Variants in LRRTM4 observed in about 807,000 individuals in gnomAD.
LRRTM4 encodes leucine rich repeat transmembrane neuronal 4.
LRRTM4 carries 25 observed loss-of-function variants against 47.6 expected under a neutral mutation model. The observed-to-expected ratio is 0.53, with a 90% CI of 0.38 to 0.73. The LOEUF is 0.73. Ranked by LOEUF, LRRTM4 falls within the 30% of genes least tolerant of loss-of-function variation. LRRTM4 has a pLI of 0.00. For synonymous variants in LRRTM4, 311 were observed against 269.5 expected, an observed-to-expected ratio of 1.15 and a Z score of -1.51; for missense variants, 638 against 713.4, an observed-to-expected ratio of 0.89 and a Z score of 1.20.
intron 3 of LRRTM4, among the ~76,000 whole-genome samples, chr2:77,269,933 A>G (rs932661967): frequency 1.6e-4 from 25 of 152,236 alleles, no homozygotes; most frequent in African/African-American, 6.0e-4. Context: ...TAACTAAGTA[A>G]CATAGGCACT....
chr2:77,145,252 G>A (rs1311024011), intron 3 of LRRTM4, among the ~76,000 whole-genome samples: 2 of 140,364 alleles, frequency 1.4e-5, no homozygotes, highest in African/African-American at 2.5e-5. Flanking sequence ...ATATCTATAT[G>A]TGTATATATA....
At chr2:76,800,135 G>T (rs867255395) in intron 3 of LRRTM4, among the ~76,000 whole-genome samples, 6 of 147,444 alleles carry the variant, frequency 4.1e-5, no homozygotes, top group East Asian at 2.0e-4. Context: ...AAAAGAGCCC[G>T]CATCGCCAAG....
At chr2:76,920,233 TC>T (rs1674389732) in intron 3 of LRRTM4, among the ~76,000 whole-genome samples, 10 of 152,118 alleles carry the variant, frequency 6.6e-5, no homozygotes, top group Admixed American at 4.6e-4. Flanking sequence ...ATTTTGCTTT[TC>T]TTTTCCTATA....
intron 3 of LRRTM4, among the ~76,000 whole-genome samples, chr2:77,325,760 G>T (rs772570657): frequency 1.3e-5 from 2 of 152,124 alleles, no homozygotes; most frequent in African/African-American, 4.8e-5. Context: ...ATGTGTGAAA[G>T]CTTTTTTCCC....
chr2:76,904,036 C>A (rs1036156023), intron 3 of LRRTM4, among the ~76,000 whole-genome samples: 1 of 152,230 alleles, frequency 6.6e-6, no homozygotes, highest in Admixed American at 6.5e-5. Context: ...CACATTCAAA[C>A]TCATTTAATA....
chr2:76,922,348 CT>C (rs931750572), intron 3 of LRRTM4, among the ~76,000 whole-genome samples: 3 of 152,020 alleles, frequency 2.0e-5, no homozygotes, highest in African/African-American at 7.2e-5. Flanking sequence ...GCAAGCACAT[CT>C]TACCCTGGCA....
chr2:77,385,123 C>T (rs550601770), intron 3 of LRRTM4, among the ~76,000 whole-genome samples: 27 of 152,064 alleles, frequency 1.8e-4, no homozygotes, highest in Non-Finnish European at 2.8e-4. Context: ...TACAAAGTAA[C>T]GATCACCAAT....
chr2:77,412,595 T>C (rs149867657), intron 3 of LRRTM4, among the ~76,000 whole-genome samples: 2,439 of 152,260 alleles, frequency 0.016, 34 homozygotes, highest in Non-Finnish European at 0.022. Context: ...TATGACAACA[T>C]TGAAACACAC....
intron 3 of LRRTM4, among the ~76,000 whole-genome samples, chr2:77,384,236 A>T (rs78731016): frequency 0.044 from 6,627 of 149,688 alleles, 402 homozygotes; most frequent in African/African-American, 0.13. Context: ...TTTTTTTTTT[A>T]AAAATTCACT....
At chr2:77,476,059 T>G (rs2104002567) in intron 3 of LRRTM4, among the ~76,000 whole-genome samples, 1 of 152,170 alleles carries the variant, frequency 6.6e-6, no homozygotes, top group South Asian at 2.1e-4. Flanking sequence ...CCCTATTGAT[T>G]AATACTGACG....
intron 3 of LRRTM4, among the ~76,000 whole-genome samples, chr2:77,063,368 T>A (rs974543868): frequency 6.6e-6 from 1 of 152,190 alleles, no homozygotes; most frequent in African/African-American, 2.4e-5. Flanking sequence ...GTTAATTCTA[T>A]TTTGAATAGT....
chr2:77,289,019 G>T (rs1676744895), intron 3 of LRRTM4, among the ~76,000 whole-genome samples: 1 of 152,026 alleles, frequency 6.6e-6, no homozygotes. Flanking sequence ...ATAGTTGTTT[G>T]CTGATATATA....
At chr2:77,223,427 T>C (rs559177174) in intron 3 of LRRTM4, among the ~76,000 whole-genome samples, 1 of 152,158 alleles carries the variant, frequency 6.6e-6, no homozygotes, top group Non-Finnish European at 1.5e-5. Flanking sequence ...TTGTCCCTGT[T>C]TGCAGATGAC....
At chr2:76,760,741 C>A (rs943838007) in intron 3 of LRRTM4, among the ~76,000 whole-genome samples, 7 of 152,148 alleles carry the variant, frequency 4.6e-5, no homozygotes, top group African/African-American at 1.7e-4. Flanking sequence ...CAAAAAAAAT[C>A]ATCTCTACCT....
chr2:77,368,982 T>C (rs1210207523), intron 3 of LRRTM4, among the ~76,000 whole-genome samples: 3 of 151,708 alleles, frequency 2.0e-5, no homozygotes, highest in African/African-American at 7.3e-5. Context: ...TATTCTCTTT[T>C]CTCCACACCC....
At chr2:77,141,440 G>C (rs965118486) in intron 3 of LRRTM4, among the ~76,000 whole-genome samples, 1 of 143,512 alleles carries the variant, frequency 7.0e-6, no homozygotes, top group Non-Finnish European at 1.5e-5. Context: ...TTGGACACAG[G>C]AGGGGGAACA....
At chr2:76,821,611 A>G (rs967850909) in intron 3 of LRRTM4, among the ~76,000 whole-genome samples, 6 of 151,730 alleles carry the variant, frequency 4.0e-5, no homozygotes, top group Non-Finnish European at 8.8e-5. Flanking sequence ...AAAATAACCA[A>G]TATCAACACT....
At chr2:77,194,196 T>G (rs531437369) in intron 3 of LRRTM4, among the ~76,000 whole-genome samples, 3 of 152,050 alleles carry the variant, frequency 2.0e-5, no homozygotes, top group Non-Finnish European at 4.4e-5. Context: ...ATATCTTGAG[T>G]ATGGCAGAGA....
chr2:77,344,692 G>T (rs191918934), intron 3 of LRRTM4, among the ~76,000 whole-genome samples: 1 of 151,788 alleles, frequency 6.6e-6, no homozygotes, highest in East Asian at 1.9e-4. Context: ...AATTTAAGAA[G>T]CTCAGTGAAT....
Sources: allele counts gnomAD v4.1 joint callset (sites outside exome capture counted in the v4.1 genomes callset), GRCh38; gene constraint gnomAD v4.1.1; transcripts MANE v1.5; gene names NCBI Gene and HGNC (gene_info 2026-07-23, HGNC 2026-07-21).